The following ACTR2 variants were observed in gnomAD, a reference collection of about 807,000 sequenced individuals.
The protein encoded by ACTR2 is actin-related protein 2.
ACTR2 carries 5 observed loss-of-function variants against 50.2 expected under a neutral mutation model. The observed-to-expected ratio is 0.10, with a 90% CI of 0.05 to 0.21. The LOEUF (loss-of-function observed/expected upper bound fraction) is 0.21. Ranked by LOEUF, ACTR2 falls within the 10% of genes least tolerant of loss-of-function variation. The pLI, the probability that ACTR2 is intolerant of heterozygous loss-of-function variation, is 1.00. For missense variants in ACTR2, 180 were observed against 480.6 expected, an observed-to-expected ratio of 0.37 and a Z score of 5.85; for synonymous variants, 140 against 162.9, an observed-to-expected ratio of 0.86 and a Z score of 1.07.
In ACTR2 at chr2:65,251,094, C is replaced by T; in HGVS notation, c.443C>T (p.Ala148Val). 6.2e-7 allele frequency: 1 copy of T among 1,603,410 alleles called. No homozygotes were observed. Among genetic ancestry groups the T allele is most frequent in the Non-Finnish European group, 8.5e-7 (1 of 1,174,578 alleles). Residue 148 changes from alanine (A) to valine (V), a missense_variant, in exon 4 of 9, where the codon GCT becomes GTT. Physicochemically the swap from Ala to Val is moderately conservative, Grantham distance 64. Coordinates refer to ENST00000260641, the MANE Select transcript of ACTR2 (RefSeq NM_005722.4). ...ATCCAGGCAGTTCTGACTTTGTACG[C>T]TCAAGGTAGGTTAAGCTTAACTGTT... ...VAIQAVLTLY[A>V]QGLLTGVVVD...
At chr2:65,228,460 TG>T (rs1671574842) in intron 1 of ACTR2, 1 of 149,590 alleles carries the variant, frequency 6.7e-6, no homozygotes, top group Non-Finnish European at 1.5e-5. Flanking sequence ...AGTGCTGTCA[TG>T]GAGTGTGGAC....
chr2:65,233,974 C>G (rs539160386), intron 1 of ACTR2, among the ~76,000 whole-genome samples: 1 of 151,912 alleles, frequency 6.6e-6, no homozygotes, highest in East Asian at 1.9e-4. Context: ...ACAATCATGG[C>G]TCAAGGCTCA....
At chr2:65,250,672 CAAA>C (rs368589131) in intron 3 of ACTR2, among the ~76,000 whole-genome samples, 1 of 84,908 alleles carries the variant, frequency 1.2e-5, no homozygotes, top group Non-Finnish European at 2.1e-5. Context: ...GACTTCATCT[CAAA>C]AAAAAAAAAA....
intron 2 of ACTR2, among the ~76,000 whole-genome samples, chr2:65,243,771 A>G (rs534785327): frequency 1.3e-5 from 2 of 152,218 alleles, no homozygotes; most frequent in Admixed American, 6.6e-5. Flanking sequence ...TGTAATCCCT[A>G]CTACCCACTT....
At chr2:65,249,564 T>A (rs1370528744) in intron 3 of ACTR2, among the ~76,000 whole-genome samples, 2 of 152,222 alleles carry the variant, frequency 1.3e-5, no homozygotes, top group Non-Finnish European at 2.9e-5. Flanking sequence ...GCTTAATTGA[T>A]GAGTATGTGT....
intron 3 of ACTR2, among the ~76,000 whole-genome samples, chr2:65,250,672 C>CAAAAAA (rs368589131): frequency 3.5e-5 from 3 of 84,866 alleles, no homozygotes; most frequent in Admixed American, 1.5e-4. Flanking sequence ...GACTTCATCT[C>CAAAAAA]AAAAAAAAAA....
At chr2:65,265,203 AAC>A in intron 8 of ACTR2, 28 bp downstream of exon 8, 2 of 1,612,370 alleles carry the variant, frequency 1.2e-6, no homozygotes, top group Non-Finnish European at 1.7e-6. Context: ...AACTATTACT[AAC>A]ATTCTTTTAA....
chr2:65,261,430 A>C, intron 7 of ACTR2, 38 bp downstream of exon 7: 5 of 1,548,004 alleles, frequency 3.2e-6, no homozygotes, highest in Non-Finnish European at 4.4e-6. Flanking sequence ...TATTTATCAG[A>C]AAAATCATAA....
At chr2:65,230,914 T>C (rs13018840) in intron 1 of ACTR2, among the ~76,000 whole-genome samples, 49,275 of 151,532 alleles carry the variant, frequency 0.33, 8,999 homozygotes, top group African/African-American at 0.48. Context: ...ATTAGCCGGG[T>C]GTGGTTTCTG....
chr2:65,263,822 G>C (rs1005508507), intron 7 of ACTR2, among the ~76,000 whole-genome samples: 2 of 72,376 alleles, frequency 2.8e-5, no homozygotes, highest in African/African-American at 9.9e-5. Flanking sequence ...GGTGAATCAC[G>C]AGGCCGGCGA....
intron 2 of ACTR2, among the ~76,000 whole-genome samples, chr2:65,245,467 C>T (rs1356752673): frequency 6.6e-6 from 1 of 152,166 alleles, no homozygotes; most frequent in Non-Finnish European, 1.5e-5. Context: ...TTGTAGTGAG[C>T]TGAGATCATG....
intron 7 of ACTR2, among the ~76,000 whole-genome samples, chr2:65,262,503 A>G (rs1390892827): frequency 1.3e-5 from 2 of 151,526 alleles, no homozygotes; most frequent in Non-Finnish European, 2.9e-5. Context: ...CAGCCTACCA[A>G]AGTGCTGAGA....
intron 6 of ACTR2, among the ~76,000 whole-genome samples, chr2:65,258,412 C>T (rs529133169): frequency 2.0e-5 from 3 of 151,316 alleles, no homozygotes; most frequent in African/African-American, 7.3e-5. Context: ...CCTGTCTCTA[C>T]AAAAAAAATA....
At chr2:65,236,735 C>G (rs1671748778) in intron 1 of ACTR2, among the ~76,000 whole-genome samples, 1 of 152,096 alleles carries the variant, frequency 6.6e-6, no homozygotes, top group Admixed American at 6.6e-5. Context: ...CATGCACCAC[C>G]ATACCTGGCT....
intron 2 of ACTR2, among the ~76,000 whole-genome samples, chr2:65,243,062 C>T (rs1444837045): frequency 6.6e-6 from 1 of 152,092 alleles, no homozygotes; most frequent in East Asian, 1.9e-4. Flanking sequence ...GGGTGGATCA[C>T]GAGGTCACGA....
intron 4 of ACTR2, among the ~76,000 whole-genome samples, chr2:65,251,926 CTCTT>C (rs929676678): frequency 7.3e-5 from 11 of 151,308 alleles, no homozygotes; most frequent in Non-Finnish European, 1.5e-4. Context: ...GTTGGGAGAG[CTCTT>C]TTTTTTTTTT....
chr2:65,265,533 A>T (rs1456872514), intron 8 of ACTR2, among the ~76,000 whole-genome samples: 1 of 152,212 alleles, frequency 6.6e-6, no homozygotes, highest in South Asian at 2.1e-4. Flanking sequence ...TGGATATGCA[A>T]TCAGCCTTCA....
At chr2:65,234,017 C>T (rs901789835) in intron 1 of ACTR2, among the ~76,000 whole-genome samples, 1 of 151,936 alleles carries the variant, frequency 6.6e-6, no homozygotes, top group Non-Finnish European at 1.5e-5. Flanking sequence ...CTCAGGTGAT[C>T]CTCCCACCTC....
intron 6 of ACTR2, among the ~76,000 whole-genome samples, chr2:65,257,726 C>T (rs1672178991): frequency 6.6e-6 from 1 of 152,082 alleles, no homozygotes; most frequent in Non-Finnish European, 1.5e-5. Flanking sequence ...GTTTATTGGC[C>T]ACATAAATGT....
Sources: gnomAD v4.1 joint callset for allele counts (sites outside exome capture counted in the v4.1 genomes callset) on GRCh38, gnomAD v4.1.1 for gene constraint, MANE v1.5 for transcripts, NCBI Gene and HGNC (gene_info 2026-07-23, HGNC 2026-07-21) for gene names.